DSCAML1: variants seen among roughly 807,000 people sequenced by gnomAD.
The protein encoded by DSCAML1 is cell adhesion molecule DSCAML1.
Under a neutral mutation model 200.5 loss-of-function variants are expected in DSCAML1, and 38 were observed. That is an observed-to-expected ratio of 0.19 (90% CI 0.15 to 0.25). DSCAML1 has a LOEUF of 0.25. Among genes scored for constraint, DSCAML1 ranks in the 10% least tolerant of loss-of-function variants. The probability of loss-of-function intolerance (pLI) is 1.00; values close to 1 mark genes in which losing one functional copy is unlikely to be tolerated. For missense variants in DSCAML1, 2,223 were observed against 2,858.8 expected, an observed-to-expected ratio of 0.78 and a Z score of 5.07; for synonymous variants, 1,215 against 1,165.0, an observed-to-expected ratio of 1.04 and a Z score of -0.87.
intron 3 of DSCAML1, among the ~76,000 whole-genome samples, chr11:117,622,041 C>T (rs2051945406): frequency 6.6e-6 from 1 of 152,184 alleles, no homozygotes; most frequent in Non-Finnish European, 1.5e-5. Flanking sequence ...GACCCTCAGT[C>T]CATGTTTGCT....
In DSCAML1 at chr11:117,428,216, T is replaced by G; in HGVS notation, c.*112A>C. ...ATGATTGGGGGTTTTTGTTTTGTCG[T>G]TGGTTGGTTTTTGTCTGTCAGTTGA... On this transcript the variant is annotated 3_prime_UTR_variant, in exon 33 of 33. Coordinates refer to ENST00000651296, the MANE Select transcript of DSCAML1 (RefSeq NM_020693.4). 1.5e-6 allele frequency: 1 copy of G among 679,168 alleles called. No homozygotes were observed. The allele number at this position is 679,168 out of a possible 1,614,324, so 42.1% of individuals were successfully genotyped here.
chr11:117,584,231 C>T (rs79197119), intron 3 of DSCAML1, among the ~76,000 whole-genome samples: 5 of 152,232 alleles, frequency 3.3e-5, no homozygotes, highest in Admixed American at 1.3e-4. Flanking sequence ...GGGGCAGGGA[C>T]GATGTCTTTG....
chr11:117,663,056 C>T (rs2052893762), intron 3 of DSCAML1, among the ~76,000 whole-genome samples: 1 of 152,210 alleles, frequency 6.6e-6, no homozygotes, highest in Non-Finnish European at 1.5e-5. Context: ...AGGACTCCAT[C>T]CGATGCTGGC....
chr11:117,675,212 A>G (rs887188914), intron 3 of DSCAML1, among the ~76,000 whole-genome samples: 2 of 152,242 alleles, frequency 1.3e-5, no homozygotes, highest in East Asian at 1.9e-4. Context: ...GGGATAGTCT[A>G]TTTCATTAAT....
chr11:117,630,096 G>C (rs1260193911), intron 3 of DSCAML1, among the ~76,000 whole-genome samples: 1 of 152,184 alleles, frequency 6.6e-6, no homozygotes, highest in South Asian at 2.1e-4. Context: ...ACTGCAGACA[G>C]ACCTGCAGTG....
intron 3 of DSCAML1, among the ~76,000 whole-genome samples, chr11:117,629,465 CA>C (rs1401319218): frequency 6.6e-6 from 1 of 152,076 alleles, no homozygotes; most frequent in African/African-American, 2.4e-5. Flanking sequence ...GCCCTGGGGA[CA>C]AAGGACAGTG....
At chr11:117,716,768 A>G (rs1274705781) in intron 3 of DSCAML1, among the ~76,000 whole-genome samples, 3 of 152,196 alleles carry the variant, frequency 2.0e-5, no homozygotes, top group Non-Finnish European at 4.4e-5. Flanking sequence ...AATTACATGA[A>G]ATTCAAATTT....
chr11:117,546,015 T>C (rs1304492844), intron 3 of DSCAML1, among the ~76,000 whole-genome samples: 2 of 152,238 alleles, frequency 1.3e-5, no homozygotes, highest in African/African-American at 4.8e-5. Flanking sequence ...ACCTCGGCTA[T>C]GCGAACTTGT....
intron 3 of DSCAML1, among the ~76,000 whole-genome samples, chr11:117,585,334 CA>C (rs1281817179): frequency 3.3e-5 from 5 of 152,102 alleles, no homozygotes; most frequent in African/African-American, 1.2e-4. Flanking sequence ...ACTGCAACCC[CA>C]GCCTCCCGGG....
chr11:117,790,668 A>C (rs955101497), intron 1 of DSCAML1, among the ~76,000 whole-genome samples: 5 of 152,210 alleles, frequency 3.3e-5, no homozygotes, highest in Non-Finnish European at 5.9e-5. Flanking sequence ...CACATGATGT[A>C]CATTTTTATG....
intron 3 of DSCAML1, among the ~76,000 whole-genome samples, chr11:117,689,427 C>G (rs532622288): frequency 6.6e-6 from 1 of 152,220 alleles, no homozygotes; most frequent in East Asian, 1.9e-4. Flanking sequence ...TTTGTAGGCA[C>G]GCTGAAATGT....
rs112953358 is a variant in DSCAML1 at position 117,704,992 on chromosome 11, C to T, written c.511+71799G>A. 9.9e-3 allele frequency among the ~76,000 whole-genome samples: 1,510 copies of T among 152,184 alleles called. 18 individuals are homozygous for T. Among genetic ancestry groups the T allele is most frequent in the South Asian group, 0.033 (161 of 4,820 alleles). ...GGAGTGCTGTCAAGGTACGAGTGTG[C>T]GCCCCGGATGTGTGTGTGGTGCAAA... On this transcript the variant is annotated intron_variant, in intron 3 of 32. Transcript: ENST00000651296.
chr11:117,493,996 CTTA>C (rs2049242027), intron 11 of DSCAML1, among the ~76,000 whole-genome samples: 1 of 152,184 alleles, frequency 6.6e-6, no homozygotes, highest in South Asian at 2.1e-4. Flanking sequence ...TTATTGAAAG[CTTA>C]TTATGTGCAC....
In DSCAML1 at chr11:117,716,037, T is replaced by C. The variant is rs1278393137; in HGVS notation, c.511+60754A>G. ...AGTCACCCAGCAGCATTAGCAGCGA[T>C]TTATCATGTTTTACTTCTGCCTGTA... On this transcript the variant is annotated intron_variant, in intron 3 of 32. Transcript: ENST00000651296. Among the ~76,000 whole-genome samples the C allele has an allele frequency of 4.6e-5, 7 of 152,286 alleles. No individual in the cohort carries two copies. In the South Asian group the frequency reaches 6.2e-4, roughly 14 times the overall value.
At chr11:117,537,188 C>CT (rs2050187237) in intron 3 of DSCAML1, among the ~76,000 whole-genome samples, 1 of 152,210 alleles carries the variant, frequency 6.6e-6, no homozygotes, top group Non-Finnish European at 1.5e-5. Context: ...TCAATGAGGT[C>CT]CTCACTGCCT....
chr11:117,551,985 A>G (rs1373411503), intron 3 of DSCAML1, among the ~76,000 whole-genome samples: 1 of 145,950 alleles, frequency 6.9e-6, no homozygotes, highest in African/African-American at 2.6e-5. Context: ...GTCTTATCAG[A>G]CTCATTATAC....
intron 1 of DSCAML1, among the ~76,000 whole-genome samples, chr11:117,781,874 T>A (rs989665832): frequency 1.6e-4 from 24 of 152,244 alleles, no homozygotes; most frequent in African/African-American, 5.8e-4. Context: ...CATCTGTTCC[T>A]CTTATCCCAG....
At chr11:117,623,514 C>T (rs2051982229) in intron 3 of DSCAML1, among the ~76,000 whole-genome samples, 1 of 152,224 alleles carries the variant, frequency 6.6e-6, no homozygotes, top group African/African-American at 2.4e-5. Context: ...CTGCTCCTGG[C>T]CTAACATGCT....
At chr11:117,670,474 A>C (rs919659860) in intron 3 of DSCAML1, among the ~76,000 whole-genome samples, 1 of 152,130 alleles carries the variant, frequency 6.6e-6, no homozygotes, top group Non-Finnish European at 1.5e-5. Flanking sequence ...GCCAGGTGTG[A>C]CATAATGGGG....
Sources: gnomAD v4.1 joint callset for allele counts (sites outside exome capture counted in the v4.1 genomes callset) on GRCh38, gnomAD v4.1.1 for gene constraint, MANE v1.5 for transcripts, NCBI Gene and HGNC (gene_info 2026-07-23, HGNC 2026-07-21) for gene names.